CPPED1: variants seen among roughly 807,000 people sequenced by gnomAD.
The protein encoded by CPPED1 is serine/threonine-protein phosphatase CPPED1.
CPPED1 carries 28 observed loss-of-function variants against 28.0 expected under a neutral mutation model. The ratio of observed to expected loss-of-function variants is 1.00; its 90% CI spans 0.74 to 1.37. The LOEUF (loss-of-function observed/expected upper bound fraction) is 1.37, where lower values mean the gene tolerates loss of function less well. Ranked by LOEUF, CPPED1 falls within the 40% of genes most tolerant of loss-of-function variation. The pLI is 0.00. For missense variants in CPPED1, 504 were observed against 416.5 expected (o/e 1.21, Z -1.83); for synonymous variants, 198 against 180.2 (o/e 1.10, Z -0.79).
chr16:12,696,935 C>T (rs1474253887), intron 3 of CPPED1, among the ~76,000 whole-genome samples: 1 of 152,158 alleles, frequency 6.6e-6, no homozygotes, highest in Non-Finnish European at 1.5e-5. Context: ...TGCCCACCGG[C>T]CCAGACGCTA....
At chr16:12,798,688 G>C (rs2080641303) in intron 1 of CPPED1, among the ~76,000 whole-genome samples, 1 of 152,166 alleles carries the variant, frequency 6.6e-6, no homozygotes, top group Admixed American at 6.6e-5. Flanking sequence ...AACAGATTCA[G>C]ACCTAAAAAT....
chr16:12,794,984 A>G (rs760872994), intron 1 of CPPED1, among the ~76,000 whole-genome samples: 39 of 152,246 alleles, frequency 2.6e-4, no homozygotes, highest in Non-Finnish European at 5.1e-4. Context: ...GACAACGGTT[A>G]AAGAGGGGAA....
chr16:12,797,385 C>CA (rs1279281314), intron 1 of CPPED1, among the ~76,000 whole-genome samples: 1 of 152,064 alleles, frequency 6.6e-6, no homozygotes, highest in Non-Finnish European at 1.5e-5. Flanking sequence ...ACTGTCTCTA[C>CA]AAAAAATATA....
chr16:12,669,926 C>A (rs1235149526), intron 3 of CPPED1, among the ~76,000 whole-genome samples: 1 of 152,194 alleles, frequency 6.6e-6, no homozygotes, highest in Admixed American at 6.5e-5. Flanking sequence ...AATCAAGTGA[C>A]AGGATTCCCA....
At chr16:12,803,223 G>A (rs1041112747) in intron 1 of CPPED1, among the ~76,000 whole-genome samples, 1 of 152,218 alleles carries the variant, frequency 6.6e-6, no homozygotes, top group Non-Finnish European at 1.5e-5. Flanking sequence ...TTACCATTTC[G>A]GTGAATGACT....
rs540137026 is a variant in CPPED1 at position 12,743,453 on chromosome 16, C to T, written c.289+37732G>A. On this transcript the variant is annotated intron_variant, in intron 2 of 3. Coordinates refer to ENST00000381774, the MANE Select transcript of CPPED1 (RefSeq NM_018340.3). ...TCTTAAACAAGACCCTAAAATGCAC[C>T]GGTCATAAAGAAAATGGACAAAGTG... is the stretch of plus-strand genomic sequence containing the variant. Among the ~76,000 whole-genome samples the T allele has an allele frequency of 2.4e-4, 37 of 152,128 alleles. 1 individual carries two copies. In the South Asian group the frequency reaches 6.7e-3, roughly 27 times the overall value.
chr16:12,726,398 A>G (rs1042198524), intron 2 of CPPED1, among the ~76,000 whole-genome samples: 5 of 139,494 alleles, frequency 3.6e-5, no homozygotes, highest in Admixed American at 3.0e-4. Context: ...GCTGGAGTGC[A>G]GTGGGGTGAT....
At chr16:12,800,893 T>C (rs937278990) in intron 1 of CPPED1, among the ~76,000 whole-genome samples, 1 of 152,050 alleles carries the variant, frequency 6.6e-6, no homozygotes, top group African/African-American at 2.4e-5. Flanking sequence ...GAAGCAACAC[T>C]TCCTCAGGGA....
At chr16:12,754,571 T>TA (rs1414004650) in intron 2 of CPPED1, among the ~76,000 whole-genome samples, 1 of 152,242 alleles carries the variant, frequency 6.6e-6, no homozygotes, top group Non-Finnish European at 1.5e-5. Context: ...AGAGTCCCTC[T>TA]AAGGTCCTCC....
intron 3 of CPPED1, among the ~76,000 whole-genome samples, chr16:12,687,261 G>A (rs780377445): frequency 6.6e-6 from 1 of 151,784 alleles, no homozygotes; most frequent in Non-Finnish European, 1.5e-5. Flanking sequence ...TGTAACATTC[G>A]TAATGCCACC....
rs2079790578 is a variant in CPPED1 at position 12,660,897 on chromosome 16, G to C, written c.*3989C>G. ...GGAGGCCAAGGTGGAAGGACTGCTT[G>C]GGGCCAGGAGTTCAAGACCAGCCTG... On this transcript the variant is annotated 3_prime_UTR_variant, in exon 4 of 4. Transcript: ENST00000381774. The C allele has an allele frequency of 6.6e-6, 1 of 152,434 alleles. No individual in the cohort carries two copies. The highest frequency in any genetic ancestry group is 1.5e-5 in the Non-Finnish European group (1 of 68,244). The allele number at this position is 152,434 out of a possible 1,614,324, so 9.4% of individuals were successfully genotyped here.
At chr16:12,720,911 T>C (rs1231948627) in intron 2 of CPPED1, among the ~76,000 whole-genome samples, 1 of 152,192 alleles carries the variant, frequency 6.6e-6, no homozygotes, top group African/African-American at 2.4e-5. Flanking sequence ...TGTTTTGGCA[T>C]GGGGGACTAA....
intron 2 of CPPED1, among the ~76,000 whole-genome samples, chr16:12,706,399 C>A (rs116660786): frequency 0.033 from 4,854 of 147,942 alleles, 124 homozygotes; most frequent in East Asian, 0.11. Flanking sequence ...AAAGTAATGA[C>A]AAAAATTGCA....
intron 2 of CPPED1, among the ~76,000 whole-genome samples, chr16:12,719,059 G>C (rs1306117529): frequency 6.6e-6 from 1 of 152,066 alleles, no homozygotes; most frequent in Non-Finnish European, 1.5e-5. Context: ...GCAGGCAAGG[G>C]AGAATGAGAA....
At chr16:12,745,319 G>C (rs2080279822) in intron 2 of CPPED1, among the ~76,000 whole-genome samples, 1 of 152,126 alleles carries the variant, frequency 6.6e-6, no homozygotes, top group Non-Finnish European at 1.5e-5. Context: ...CCCATTACCA[G>C]GTACATACCC....
At chr16:12,781,778 C>T (rs1221125260) in intron 1 of CPPED1, among the ~76,000 whole-genome samples, 1 of 152,088 alleles carries the variant, frequency 6.6e-6, no homozygotes, top group Non-Finnish European at 1.5e-5. Flanking sequence ...TGAATGCTGC[C>T]AGAAGTATTA....
intron 2 of CPPED1, among the ~76,000 whole-genome samples, chr16:12,768,288 C>T (rs1321761507): frequency 6.6e-6 from 1 of 152,170 alleles, no homozygotes; most frequent in Non-Finnish European, 1.5e-5. Flanking sequence ...CTTCACTGAA[C>T]AAATAAATAA....
chr16:12,680,700 T>C (rs1022562784), intron 3 of CPPED1, among the ~76,000 whole-genome samples: 8 of 152,114 alleles, frequency 5.3e-5, no homozygotes, highest in African/African-American at 1.9e-4. Context: ...ACTCTCAGGT[T>C]ACGGAGTGCC....
At chr16:12,710,902 G>T (rs958727412) in intron 2 of CPPED1, among the ~76,000 whole-genome samples, 1 of 152,160 alleles carries the variant, frequency 6.6e-6, no homozygotes, top group African/African-American at 2.4e-5. Context: ...ATGAAAAATG[G>T]TGTAGCCACT....
Sources: allele counts gnomAD v4.1 joint callset (sites outside exome capture counted in the v4.1 genomes callset), GRCh38; gene constraint gnomAD v4.1.1; transcripts MANE v1.5; gene names NCBI Gene and HGNC (gene_info 2026-07-23, HGNC 2026-07-21).